The following PTCHD4 variants were observed in gnomAD, a reference collection of about 807,000 sequenced individuals.
The protein encoded by PTCHD4 is patched domain-containing protein 4.
Under a neutral mutation model 58.1 loss-of-function variants are expected in PTCHD4, and 33 were observed. That is an observed-to-expected ratio of 0.57 (90% CI 0.43 to 0.76). The LOEUF (loss-of-function observed/expected upper bound fraction) is 0.76. Ranked by LOEUF, PTCHD4 falls within the 30% of genes least tolerant of loss-of-function variation. The probability of loss-of-function intolerance (pLI) is 0.00; values close to 1 mark genes in which losing one functional copy is unlikely to be tolerated. For synonymous variants in PTCHD4, 478 were observed against 409.6 expected (o/e 1.17, Z -2.02); for missense variants, 1,058 against 1,027.1 (o/e 1.03, Z -0.41).
chr6:47,910,539 A>G (rs1355063920), intron 4 of PTCHD4, among the ~76,000 whole-genome samples: 1 of 152,116 alleles, frequency 6.6e-6, no homozygotes, highest in Non-Finnish European at 1.5e-5. Flanking sequence ...TTTCCATACA[A>G]ATAATAAAGA....
intron 3 of PTCHD4, among the ~76,000 whole-genome samples, chr6:48,045,696 A>G (rs1038432696): frequency 1.3e-5 from 2 of 151,760 alleles, no homozygotes; most frequent in Admixed American, 1.3e-4. Flanking sequence ...AGATAACATC[A>G]TTTATTCAAT....
chr6:48,064,569 C>G (rs1031713729), intron 3 of PTCHD4, among the ~76,000 whole-genome samples: 1 of 151,822 alleles, frequency 6.6e-6, no homozygotes, highest in Non-Finnish European at 1.5e-5. Flanking sequence ...AAAAAAATAG[C>G]CCCTAAATAT....
chr6:48,040,951 G>C (rs1763825444), intron 3 of PTCHD4, among the ~76,000 whole-genome samples: 1 of 152,008 alleles, frequency 6.6e-6, no homozygotes, highest in African/African-American at 2.4e-5. Context: ...TGTATTCAGA[G>C]ATGTCTTCAA....
At chr6:48,072,256 C>A (rs1159337085) in intron 1 of PTCHD4, among the ~76,000 whole-genome samples, 1 of 152,184 alleles carries the variant, frequency 6.6e-6, no homozygotes, top group Non-Finnish European at 1.5e-5. Flanking sequence ...TTCATTCATT[C>A]ATCCAGCCAG....
chr6:48,074,499 G>A (rs1054331553), intron 1 of PTCHD4, among the ~76,000 whole-genome samples: 2 of 152,210 alleles, frequency 1.3e-5, no homozygotes, highest in Non-Finnish European at 2.9e-5. Context: ...AAGGCCTCCA[G>A]TAGATTTCCT....
chr6:48,002,141 G>T (rs1356093878), intron 4 of PTCHD4, among the ~76,000 whole-genome samples: 2 of 152,196 alleles, frequency 1.3e-5, no homozygotes, highest in African/African-American at 4.8e-5. Context: ...GGAGAAATAG[G>T]AATACTTTTA....
rs570726450 is a variant in PTCHD4 at position 47,880,294 on chromosome 6, G to A, written c.899-358C>T. 9.6e-4 allele frequency among the ~76,000 whole-genome samples: 146 copies of A among 152,240 alleles called. 3 individuals carry two copies. Among genetic ancestry groups the A allele is most frequent in the Non-Finnish European group, 5.4e-4 (37 of 68,030 alleles). On this transcript the variant is annotated intron_variant, in intron 4 of 4. Coordinates refer to ENST00000339488, the MANE Select transcript of PTCHD4 (RefSeq NM_001384253.1). ...CAACGGCAGGGGCCGTTATTTGTGC[G>A]CCTTCAAATGACCCTTAACATCATG...
In PTCHD4 at chr6:48,069,355, T is replaced by TG. The variant is rs1764927398; in HGVS notation, c.-399dup. On this transcript the variant is annotated 5_prime_UTR_variant, in exon 2 of 5. It removes the in-frame stop codon of an upstream open reading frame in the 5' UTR. Coordinates refer to ENST00000339488, the MANE Select transcript of PTCHD4 (RefSeq NM_001384253.1). ...GCAAGGGCAATTAGAGCCCAAGGAG[T>TG]GGGGCATGGAGGGAGACAGCCCCAG... 6.6e-6 allele frequency among the ~76,000 whole-genome samples: 1 copy of TG among 151,498 alleles called. No individual in the cohort carries two copies. The highest frequency in any genetic ancestry group is 2.4e-5 in the African/African-American group (1 of 41,250).
At position 47,857,651 on chromosome 6, in the gene PTCHD4, C is replaced by T. The variant is rs1763334762; in HGVS notation, c.*20652G>A. ...CCATAGTGTTTGAGTTAAAAGTGCT[C>T]CTGTGTCTCTGCAATAGTATCCAAA... On this transcript the variant is annotated 3_prime_UTR_variant, in exon 5 of 5. Coordinates refer to ENST00000339488, the MANE Select transcript of PTCHD4 (RefSeq NM_001384253.1). 6.6e-6 allele frequency among the ~76,000 whole-genome samples: 1 copy of T among 151,862 alleles called. No homozygotes were observed. The highest frequency in any genetic ancestry group is 2.1e-4 in the South Asian group (1 of 4,826).
intron 4 of PTCHD4, chr6:47,899,689 T>C (rs1051909954): frequency 2.7e-6 from 1 of 368,902 alleles, no homozygotes; most frequent in Non-Finnish European, 3.7e-6. Flanking sequence ...GTTTCTAGTA[T>C]ACTACAAAGT....
intron 3 of PTCHD4, among the ~76,000 whole-genome samples, chr6:48,063,455 G>T (rs112677698): frequency 2.0e-5 from 3 of 152,112 alleles, no homozygotes; most frequent in African/African-American, 7.2e-5. Flanking sequence ...AAGGGCTGTT[G>T]TTACAGAGAA....
At chr6:47,983,885 T>C (rs200599115) in intron 4 of PTCHD4, among the ~76,000 whole-genome samples, 2 of 152,198 alleles carry the variant, frequency 1.3e-5, no homozygotes, top group Admixed American at 1.3e-4. Flanking sequence ...AACCAAATGG[T>C]ATTTAACCCA....
intron 3 of PTCHD4, among the ~76,000 whole-genome samples, chr6:48,061,798 ATGTACCCT>A (rs1764635013): frequency 6.6e-6 from 1 of 152,196 alleles, no homozygotes; most frequent in African/African-American, 2.4e-5. Context: ...GCTGTTGTAA[ATGTACCCT>A]TGTCCACCAG....
At chr6:47,949,471 G>A (rs1244080005) in intron 4 of PTCHD4, among the ~76,000 whole-genome samples, 1 of 152,106 alleles carries the variant, frequency 6.6e-6, no homozygotes. Flanking sequence ...ATCTATGTAG[G>A]TTGCATCCAT....
At chr6:48,042,897 A>C (rs958950955) in intron 3 of PTCHD4, among the ~76,000 whole-genome samples, 1 of 151,930 alleles carries the variant, frequency 6.6e-6, no homozygotes, top group Non-Finnish European at 1.5e-5. Context: ...CCATTGCCTT[A>C]ATTTTTACCT....
chr6:47,962,830 A>C (rs1189004110), intron 4 of PTCHD4, among the ~76,000 whole-genome samples: 1 of 132,788 alleles, frequency 7.5e-6, no homozygotes, highest in South Asian at 2.3e-4. Context: ...ACAACTCAGC[A>C]AAAAAAAAAA....
chr6:48,077,055 T>C (rs779841790), intron 1 of PTCHD4, among the ~76,000 whole-genome samples: 20 of 152,230 alleles, frequency 1.3e-4, no homozygotes, highest in Non-Finnish European at 2.6e-4. Context: ...CCATATTTAG[T>C]CTGCTTTAAC....
intron 1 of PTCHD4, among the ~76,000 whole-genome samples, chr6:48,077,003 T>C (rs181735265): frequency 6.6e-6 from 1 of 152,318 alleles, no homozygotes; most frequent in East Asian, 1.9e-4. Flanking sequence ...TTACAGTTCA[T>C]CCACAAGGAC....
intron 4 of PTCHD4, among the ~76,000 whole-genome samples, chr6:47,910,793 A>G (rs1311261841): frequency 1.3e-5 from 2 of 152,142 alleles, no homozygotes; most frequent in Non-Finnish European, 2.9e-5. Context: ...TTGAAAAGCA[A>G]TAACACCCTC....
Sources: gnomAD v4.1 joint callset for allele counts (sites outside exome capture counted in the v4.1 genomes callset) on GRCh38, gnomAD v4.1.1 for gene constraint, MANE v1.5 for transcripts, NCBI Gene and HGNC (gene_info 2026-07-23, HGNC 2026-07-21) for gene names.